Variants in DPP10 observed in about 807,000 individuals in gnomAD.
DPP10 encodes the protein dipeptidyl peptidase like 10, also known as inactive dipeptidyl peptidase 10.
Under a neutral mutation model 120.9 loss-of-function variants are expected in DPP10, and 33 were observed. That is an observed-to-expected ratio of 0.27 (90% CI 0.21 to 0.37). The LOEUF is 0.37. DPP10 is among the 10% of genes least tolerant of loss of function. The pLI is 1.00. For synonymous variants in DPP10, 337 were observed against 326.1 expected (o/e 1.03, Z -0.36); for missense variants, 816 against 942.8 (o/e 0.87, Z 1.76).
intron 1 of DPP10, among the ~76,000 whole-genome samples, chr2:114,729,430 A>G (rs1676671167): frequency 1.3e-5 from 2 of 152,240 alleles, no homozygotes; most frequent in East Asian, 3.8e-4. Context: ...TGACTCTGTC[A>G]TGGGTGGGTT....
At chr2:115,259,862 A>G (rs563844574) in intron 1 of DPP10, among the ~76,000 whole-genome samples, 3 of 152,166 alleles carry the variant, frequency 2.0e-5, no homozygotes, top group Non-Finnish European at 2.9e-5. Context: ...TTTATTATCT[A>G]TGTGCATTTT....
intron 1 of DPP10, among the ~76,000 whole-genome samples, chr2:114,875,719 T>C (rs1197084544): frequency 3.9e-5 from 6 of 152,168 alleles, no homozygotes; most frequent in Non-Finnish European, 8.8e-5. Flanking sequence ...TATTTCACAA[T>C]TGAATTACTA....
At chr2:114,800,704 C>T (rs1182295953) in intron 1 of DPP10, among the ~76,000 whole-genome samples, 1 of 152,150 alleles carries the variant, frequency 6.6e-6, no homozygotes, top group African/African-American at 2.4e-5. Flanking sequence ...TATTGCTTCT[C>T]CGGTTTTATA....
chr2:114,454,163 G>A (rs1045921451), intron 1 of DPP10, among the ~76,000 whole-genome samples: 2 of 152,140 alleles, frequency 1.3e-5, no homozygotes, highest in Non-Finnish European at 2.9e-5. Context: ...ATAGCAGCTT[G>A]GTGAAGAATC....
chr2:115,685,262 G>A (rs1457781768), intron 5 of DPP10, among the ~76,000 whole-genome samples: 1 of 151,920 alleles, frequency 6.6e-6, no homozygotes, highest in Non-Finnish European at 1.5e-5. Flanking sequence ...ACTATCTTAA[G>A]TTTGACACAC....
At chr2:115,559,007 C>T (rs1393702500) in intron 5 of DPP10, among the ~76,000 whole-genome samples, 2 of 152,288 alleles carry the variant, frequency 1.3e-5, no homozygotes, top group Non-Finnish European at 1.5e-5. Context: ...TCAAGTAGGG[C>T]ATTTCCCAGA....
At chr2:115,714,303 CT>C (rs1481332526) in intron 7 of DPP10, among the ~76,000 whole-genome samples, 3 of 152,170 alleles carry the variant, frequency 2.0e-5, no homozygotes, top group Non-Finnish European at 4.4e-5. Flanking sequence ...TCACTTACTG[CT>C]TTTCCACTAG....
intron 3 of DPP10, among the ~76,000 whole-genome samples, chr2:115,491,271 A>G (rs1263769908): frequency 6.6e-6 from 1 of 152,186 alleles, no homozygotes; most frequent in Non-Finnish European, 1.5e-5. Flanking sequence ...AATGCAGTCA[A>G]TGCATGGAAA....
At chr2:114,846,992 T>C (rs1688594482) in intron 1 of DPP10, among the ~76,000 whole-genome samples, 1 of 152,128 alleles carries the variant, frequency 6.6e-6, no homozygotes. Context: ...CCAAACCCTA[T>C]TATGGTATGG....
chr2:115,401,523 C>T (rs1521072), intron 3 of DPP10, among the ~76,000 whole-genome samples: 30,954 of 151,998 alleles, frequency 0.2, 3,505 homozygotes, highest in East Asian at 0.35. Flanking sequence ...TTTGAGATTA[C>T]GGTGAGCTGT....
At position 115,525,993 on chromosome 2, in the gene DPP10, G is replaced by T. The variant is rs747676478; in HGVS notation, c.441+21G>T. ...AACAGGTAAAGGAGTGATCTTCTTT[G>T]AGAATACTTTTCTTTGTGATGCATT... On this transcript the variant is annotated intron_variant, in intron 5 of 25. Coordinates refer to ENST00000410059, the MANE Select transcript of DPP10 (RefSeq NM_020868.6). The T allele has an allele frequency of 1.9e-6, 3 of 1,576,402 alleles. No homozygotes were observed. The South Asian group carries it at 3.5e-5, about 18-fold the overall frequency.
intron 3 of DPP10, among the ~76,000 whole-genome samples, chr2:115,385,367 T>A (rs1352582896): frequency 2.6e-5 from 4 of 151,298 alleles, no homozygotes; most frequent in East Asian, 1.9e-4. Flanking sequence ...TTTTTTTTTT[T>A]AAATCAAGAC....
At chr2:114,964,243 T>C (rs981959905) in intron 1 of DPP10, among the ~76,000 whole-genome samples, 4 of 152,178 alleles carry the variant, frequency 2.6e-5, no homozygotes, top group African/African-American at 7.2e-5. Flanking sequence ...TTTCTTTTAT[T>C]TTCCTTCCTT....
At chr2:114,946,446 T>G (rs1407746516) in intron 1 of DPP10, among the ~76,000 whole-genome samples, 2 of 152,188 alleles carry the variant, frequency 1.3e-5, no homozygotes, top group Non-Finnish European at 2.9e-5. Context: ...ATTTATACAC[T>G]GAACAAATAG....
chr2:114,744,918 C>G (rs1163813459), intron 1 of DPP10, among the ~76,000 whole-genome samples: 2 of 152,140 alleles, frequency 1.3e-5, no homozygotes, highest in African/African-American at 2.4e-5. Context: ...CCCATTACCA[C>G]GTCTGGCCAA....
intron 1 of DPP10, among the ~76,000 whole-genome samples, chr2:115,175,066 A>G (rs931302202): frequency 1.3e-5 from 2 of 152,214 alleles, no homozygotes; most frequent in Non-Finnish European, 2.9e-5. Context: ...GCGTGGTGGT[A>G]GTTGTTCCTG....
At chr2:115,753,586 A>G (rs548705812) in intron 11 of DPP10, among the ~76,000 whole-genome samples, 2 of 152,246 alleles carry the variant, frequency 1.3e-5, no homozygotes, top group East Asian at 3.9e-4. Flanking sequence ...TCTTTCTCAG[A>G]TATGGAATTT....
At chr2:114,541,667 A>G (rs886206318) in intron 1 of DPP10, among the ~76,000 whole-genome samples, 16 of 152,232 alleles carry the variant, frequency 1.1e-4, no homozygotes, top group African/African-American at 3.6e-4. Context: ...GTAAGTTATT[A>G]CTTATACCTG....
At chr2:115,087,312 G>A (rs1448877264) in intron 1 of DPP10, among the ~76,000 whole-genome samples, 3 of 152,052 alleles carry the variant, frequency 2.0e-5, no homozygotes, top group Non-Finnish European at 4.4e-5. Flanking sequence ...TTTAGGGATT[G>A]GTTGAAGTCC....
Sources: allele counts gnomAD v4.1 joint callset (sites outside exome capture counted in the v4.1 genomes callset), GRCh38; gene constraint gnomAD v4.1.1; transcripts MANE v1.5; gene names NCBI Gene and HGNC (gene_info 2026-07-23, HGNC 2026-07-21).